The following ARID4B variants were observed in gnomAD, a reference collection of about 807,000 sequenced individuals.
The protein encoded by ARID4B is AT-rich interaction domain 4B, also known as AT-rich interactive domain-containing protein 4B.
ARID4B carries 26 observed loss-of-function variants against 147.5 expected under a neutral mutation model. The ratio of observed to expected loss-of-function variants is 0.18; its 90% CI spans 0.13 to 0.24. The LOEUF (loss-of-function observed/expected upper bound fraction) is 0.24. Ranked by LOEUF, ARID4B falls within the 10% of genes least tolerant of loss-of-function variation. The pLI, the probability that ARID4B is intolerant of heterozygous loss-of-function variation, is 1.00. For missense variants in ARID4B, 1,179 were observed against 1,511.5 expected, an observed-to-expected ratio of 0.78 and a Z score of 3.65; for synonymous variants, 512 against 507.9, an observed-to-expected ratio of 1.01 and a Z score of -0.11.
chr1:235,316,861 T>C (rs1165231678), intron 2 of ARID4B, among the ~76,000 whole-genome samples: 1 of 148,696 alleles, frequency 6.7e-6, no homozygotes, highest in Non-Finnish European at 1.5e-5. Context: ...TACATATACA[T>C]ACGTAAAACA....
At chr1:235,271,352 G>A (rs547928752) in intron 2 of ARID4B, among the ~76,000 whole-genome samples, 2 of 151,480 alleles carry the variant, frequency 1.3e-5, no homozygotes, top group Admixed American at 6.6e-5. Context: ...ATGATAGGTC[G>A]GATGCCATGG....
At chr1:235,277,389 A>G (rs1347100043) in intron 2 of ARID4B, among the ~76,000 whole-genome samples, 2 of 151,866 alleles carry the variant, frequency 1.3e-5, no homozygotes, top group Non-Finnish European at 2.9e-5. Context: ...AAAATACAAA[A>G]TTAGCCTGGC....
intron 13 of ARID4B, 57 bp from the exon 14 acceptor site, chr1:235,221,719 T>C: frequency 2.1e-6 from 2 of 944,406 alleles, no homozygotes; most frequent in Non-Finnish European, 3.4e-6. Flanking sequence ...TATAATAACA[T>C]TTTGATAGAC....
At position 235,255,265 on chromosome 1, in the gene ARID4B, A is replaced by AGATAGATCTATC. The variant is rs1239708915; in HGVS notation, c.274+394_274+395insGATAGATCTATC. Reference sequence around the variant, plus strand: ...TAGATAGATAGATAGATAGATAGATATATATCTCTCTCTCTCTCTCTCTAT... The same window carrying AGATAGATCTATC: ...TAGATAGATAGATAGATAGATAGATAGATAGATCTATCTATATCTCTCTCTCTCTCTCTCTAT... On this transcript the variant is annotated intron_variant, in intron 5 of 23. Transcript: ENST00000264183. 4.6e-5 allele frequency among the ~76,000 whole-genome samples: 3 copies of AGATAGATCTATC among 64,580 alleles called. 1 individual carries two copies. Among genetic ancestry groups the AGATAGATCTATC allele is most frequent in the African/African-American group, 6.9e-5 (1 of 14,396 alleles). 42.4% of individuals were successfully genotyped at this position (64,580 alleles called of 152,430 possible). A position where few individuals can be genotyped will look rare whatever the true frequency, so the allele number is the denominator to read the frequency against.
intron 12 of ARID4B, among the ~76,000 whole-genome samples, chr1:235,224,032 G>GA (rs541069039): frequency 1.6e-3 from 245 of 152,218 alleles, no homozygotes; most frequent in Middle Eastern, 0.01. Flanking sequence ...TATCATTTAT[G>GA]AAAACTAAAC....
chr1:235,222,514 A>T (rs759229466), intron 13 of ARID4B, among the ~76,000 whole-genome samples: 8 of 152,152 alleles, frequency 5.3e-5, no homozygotes, highest in Non-Finnish European at 1.0e-4. Flanking sequence ...AATATACAGA[A>T]TATTAAGACA....
At chr1:235,321,498 A>C (rs867186963) in intron 2 of ARID4B, among the ~76,000 whole-genome samples, 1 of 152,144 alleles carries the variant, frequency 6.6e-6, no homozygotes, top group South Asian at 2.1e-4. Context: ...AGGATGAGTT[A>C]CTAGGTCCTG....
Position 235,201,331 on chromosome 1 carries a change from T to C in ARID4B, c.1842-5216A>G, listed in dbSNP as rs542308966. Among the ~76,000 whole-genome samples the C allele has an allele frequency of 1.1e-3, 158 of 144,926 alleles. 1 individual carries two copies. The highest frequency in any genetic ancestry group is 3.9e-3 in the African/African-American group (154 of 39,942). On this transcript the variant is annotated intron_variant, in intron 17 of 23. Coordinates refer to ENST00000264183, the MANE Select transcript of ARID4B (RefSeq NM_016374.6). ...ATTCTTAAGGAATACGAGAATCTTC[T>C]TTTTTTTTTTTTCTTCTTCATACAG... is the stretch of plus-strand genomic sequence containing the variant.
chr1:235,216,719 T>C (rs1255059149), intron 16 of ARID4B, among the ~76,000 whole-genome samples: 1 of 152,026 alleles, frequency 6.6e-6, no homozygotes, highest in African/African-American at 2.4e-5. Flanking sequence ...GGCTAAAATA[T>C]CAAAAAAATT....
intron 2 of ARID4B, among the ~76,000 whole-genome samples, chr1:235,301,023 ATTTTTTTAAGTATTC>A (rs1191719036): frequency 7.7e-6 from 1 of 130,616 alleles, no homozygotes; most frequent in Non-Finnish European, 1.6e-5. Context: ...CCAACAATAC[ATTTTTTTAAGTATTC>A]TTTTTTTTTT....
At position 235,210,946 on chromosome 1, in the gene ARID4B, A is replaced by G. The variant is rs1016235077; in HGVS notation, c.1841+2823T>C. On this transcript the variant is annotated intron_variant, in intron 17 of 23. Coordinates refer to ENST00000264183, the MANE Select transcript of ARID4B (RefSeq NM_016374.6). ...TTCTTTTAGTCAATCTTTTCTTAAC[A>G]AAACAAAGCTATATCTTAATTGTAA... Among the ~76,000 whole-genome samples the G allele has an allele frequency of 2.0e-5, 3 of 152,324 alleles. 1 individual carries two copies. Among genetic ancestry groups the G allele is most frequent in the Middle Eastern group, 6.8e-3 (2 of 294 alleles).
At chr1:235,226,118 A>C (rs1667811139) in intron 11 of ARID4B, among the ~76,000 whole-genome samples, 2 of 152,220 alleles carry the variant, frequency 1.3e-5, no homozygotes, top group Admixed American at 6.5e-5. Context: ...AACTCAAGAA[A>C]ATGTTTACAC....
intron 2 of ARID4B, among the ~76,000 whole-genome samples, chr1:235,263,028 T>C (rs897725682): frequency 3.9e-5 from 6 of 152,200 alleles, no homozygotes; most frequent in East Asian, 1.9e-4. Context: ...TGTGGTTCAA[T>C]TGGTACTGGG....
At chr1:235,188,644 C>A (rs1373161327) in intron 19 of ARID4B, among the ~76,000 whole-genome samples, 1 of 152,180 alleles carries the variant, frequency 6.6e-6, no homozygotes, top group African/African-American at 2.4e-5. Context: ...TCCTCCACCC[C>A]ACTCTCTGTT....
intron 8 of ARID4B, 73 bp from the exon 9 acceptor site, chr1:235,234,565 C>CT: frequency 9.3e-7 from 1 of 1,075,456 alleles, no homozygotes; most frequent in Non-Finnish European, 1.4e-6. Context: ...CATTTAAATC[C>CT]TTTTAAAAAG....
At chr1:235,248,567 A>C (rs1366027062) in intron 6 of ARID4B, among the ~76,000 whole-genome samples, 2 of 152,204 alleles carry the variant, frequency 1.3e-5, no homozygotes, top group African/African-American at 2.4e-5. Flanking sequence ...CTCTCTTTAA[A>C]GCAGAAAAAT....
intron 22 of ARID4B, among the ~76,000 whole-genome samples, chr1:235,173,772 A>ATG (rs1491585908): frequency 1.4e-4 from 2 of 14,684 alleles, no homozygotes; most frequent in Non-Finnish European, 2.3e-4. Flanking sequence ...AAAAAAAAAA[A>ATG]TATATATATA....
intron 20 of ARID4B, chr1:235,181,135 T>C: frequency 9.8e-7 from 1 of 1,024,520 alleles, no homozygotes; most frequent in Non-Finnish European, 1.2e-6. Context: ...GCCTGGACAG[T>C]TGGTTGCTCC....
intron 7 of ARID4B, among the ~76,000 whole-genome samples, chr1:235,243,562 GC>G (rs1669123249): frequency 6.6e-6 from 1 of 152,062 alleles, no homozygotes; most frequent in Non-Finnish European, 1.5e-5. Flanking sequence ...TACTCTAACA[GC>G]CAATCACTTA....
Sources: allele counts gnomAD v4.1 joint callset (sites outside exome capture counted in the v4.1 genomes callset), GRCh38; gene constraint gnomAD v4.1.1; transcripts MANE v1.5; gene names NCBI Gene and HGNC (gene_info 2026-07-23, HGNC 2026-07-21).